Variants in POU2AF2 observed in about 807,000 individuals in gnomAD.
POU2AF2 encodes the protein POU domain class 2-associating factor 2.
At chr11:111,264,622 G>T in the POU2AF2 span, among the ~76,000 whole-genome samples, 1 of 68,278 alleles carries the variant, frequency 1.5e-5, no homozygotes, top group Non-Finnish European at 3.4e-5. Context: ...GAAAGAAAGA[G>T]AAGAAAGAAA....
chr11:111,273,475 C>T, the POU2AF2 span, among the ~76,000 whole-genome samples: 8 of 152,286 alleles, frequency 5.3e-5, no homozygotes, highest in South Asian at 2.1e-4. Flanking sequence ...CTATGAATAT[C>T]TCAAAGAGGG....
the POU2AF2 span, among the ~76,000 whole-genome samples, chr11:111,254,821 A>G: frequency 6.6e-6 from 1 of 152,220 alleles, no homozygotes; most frequent in Non-Finnish European, 1.5e-5. Flanking sequence ...ATACACACTG[A>G]TGCTGAATTC....
the POU2AF2 span, among the ~76,000 whole-genome samples, chr11:111,257,975 C>T: frequency 3.9e-5 from 6 of 151,908 alleles, no homozygotes; most frequent in African/African-American, 4.8e-5. Flanking sequence ...GAAATTAGCC[C>T]GGTGTAGTGG....
the POU2AF2 span, among the ~76,000 whole-genome samples, chr11:111,277,610 A>T: frequency 1.3e-5 from 2 of 152,250 alleles, no homozygotes; most frequent in Non-Finnish European, 2.9e-5. Context: ...GAGGGCAAAT[A>T]GGGTGCTGAT....
At chr11:111,263,558 G>A in the POU2AF2 span, among the ~76,000 whole-genome samples, 1 of 150,064 alleles carries the variant, frequency 6.7e-6, no homozygotes, top group African/African-American at 2.5e-5. Context: ...TCAGCCTCCT[G>A]AGTAGCTGGG....
chr11:111,283,373 G>A, the POU2AF2 span, among the ~76,000 whole-genome samples: 4 of 151,924 alleles, frequency 2.6e-5, no homozygotes, highest in Non-Finnish European at 4.4e-5. Context: ...TTATGTAGCC[G>A]GCACTGTCTT....
the POU2AF2 span, among the ~76,000 whole-genome samples, chr11:111,264,504 GAAAGA>G: frequency 2.1e-4 from 3 of 14,198 alleles, no homozygotes; most frequent in African/African-American, 6.9e-4. Context: ...AAGAAAGAAA[GAAAGA>G]AAGAAAGAAA....
At chr11:111,258,458 T>C in the POU2AF2 span, among the ~76,000 whole-genome samples, 1 of 152,200 alleles carries the variant, frequency 6.6e-6, no homozygotes, top group South Asian at 2.1e-4. Context: ...TAAGGCACTA[T>C]ACCAGAGTTA....
At chr11:111,252,161 T>C in the POU2AF2 span, among the ~76,000 whole-genome samples, 2 of 152,094 alleles carry the variant, frequency 1.3e-5, no homozygotes, top group African/African-American at 4.8e-5. Context: ...CTTCCCAGAG[T>C]TGTCTAAGTC....
chr11:111,264,577 G>GAAGGA, the POU2AF2 span, among the ~76,000 whole-genome samples: 8 of 22,930 alleles, frequency 3.5e-4, 2 homozygotes, highest in African/African-American at 1.2e-3. Context: ...AGAAAGAAAG[G>GAAGGA]GAGAGAGAAA....
chr11:111,253,738 G>A, the POU2AF2 span, among the ~76,000 whole-genome samples: 1 of 152,114 alleles, frequency 6.6e-6, no homozygotes, highest in Non-Finnish European at 1.5e-5. Flanking sequence ...ATGGCCTAGA[G>A]GATGCATTCC....
At chr11:111,262,716 C>G in the POU2AF2 span, among the ~76,000 whole-genome samples, 1 of 152,224 alleles carries the variant, frequency 6.6e-6, no homozygotes, top group Non-Finnish European at 1.5e-5. Context: ...CTCTGAGCCT[C>G]AGTGTCCCTG....
chr11:111,276,667 A>G, the POU2AF2 span, among the ~76,000 whole-genome samples: 3 of 149,482 alleles, frequency 2.0e-5, no homozygotes, highest in African/African-American at 7.3e-5. Context: ...AAAAAAGATA[A>G]TGGTATAAAA....
At chr11:111,283,880 A>G in the POU2AF2 span, among the ~76,000 whole-genome samples, 21 of 152,180 alleles carry the variant, frequency 1.4e-4, no homozygotes, top group African/African-American at 4.3e-4. Context: ...AAAGGCGACA[A>G]TGTTTTCAAA....
At chr11:111,276,453 A>AAAATATATATATATATATATAT in the POU2AF2 span, among the ~76,000 whole-genome samples, 2 of 37,670 alleles carry the variant, frequency 5.3e-5, no homozygotes, top group African/African-American at 9.6e-5. Flanking sequence ...AAAAAAAAAA[A>AAAATATATATATATATATATAT]ATATATATAT....
At chr11:111,262,805 T>C in the POU2AF2 span, among the ~76,000 whole-genome samples, 15 of 152,348 alleles carry the variant, frequency 9.8e-5, no homozygotes, top group East Asian at 9.6e-4. Context: ...TAAATTTTAC[T>C]GTGTATAACT....
chr11:111,264,548 GAAAGA>G, the POU2AF2 span, among the ~76,000 whole-genome samples: 1 of 65,194 alleles, frequency 1.5e-5, no homozygotes, highest in East Asian at 3.6e-4. Context: ...AAGAAAGAAA[GAAAGA>G]AAGAAAGAAA....
chr11:111,281,309 T>C, the POU2AF2 span: 3 of 1,141,782 alleles, frequency 2.6e-6, no homozygotes, highest in African/African-American at 1.6e-5. Context: ...CTGAATATCA[T>C]AAAACCAAGC....
the POU2AF2 span, among the ~76,000 whole-genome samples, chr11:111,270,471 C>T: frequency 1.3e-5 from 2 of 152,170 alleles, no homozygotes; most frequent in East Asian, 3.8e-4. Flanking sequence ...CAGATGAACT[C>T]TTTCTTTGTA....
Sources: gnomAD v4.1 joint callset for allele counts (sites outside exome capture counted in the v4.1 genomes callset) on GRCh38, gnomAD v4.1.1 for gene constraint, MANE v1.5 for transcripts, NCBI Gene and HGNC (gene_info 2026-07-23, HGNC 2026-07-21) for gene names.